Variants in HOXA10 observed in about 807,000 individuals in gnomAD.
HOXA10 encodes the protein homeobox A10, also known as homeobox protein Hox-A10.
HOXA10 carries 12 observed loss-of-function variants against 29.7 expected under a neutral mutation model. The ratio of observed to expected loss-of-function variants is 0.40; its 90% CI spans 0.26 to 0.65. The LOEUF (loss-of-function observed/expected upper bound fraction) is 0.65. HOXA10 is among the 30% of genes least tolerant of loss of function. The pLI is 0.37. For synonymous variants in HOXA10, 327 were observed against 280.7 expected, an observed-to-expected ratio of 1.16 and a Z score of -1.65; for missense variants, 656 against 585.9, an observed-to-expected ratio of 1.12 and a Z score of -1.24.
chr7:27,174,540 G>A (rs1297497118), upstream of HOXA10, among the ~76,000 whole-genome samples: 3 of 152,224 alleles, frequency 2.0e-5, no homozygotes, highest in East Asian at 5.8e-4. Flanking sequence ...GAGCTGTGGG[G>A]GCTGCCCCAA....
In HOXA10 at chr7:27,172,137, G is replaced by T; in HGVS notation, c.995C>A (p.Thr332Lys). 3.1e-6 allele frequency: 5 copies of T among 1,614,120 alleles called. No individual in the cohort carries two copies. The highest frequency in any genetic ancestry group is 2.7e-5 in the African/African-American group (2 of 75,030). Residue 332 changes from threonine (T) to lysine (K), a missense_variant, in exon 2 of 2, where the codon ACG becomes AAG. Thr to Lys is a moderately conservative substitution (Grantham distance 78). Around this residue, in one of 2 missense-constraint regions of HOXA10, gnomAD observed 594 missense variants for 491.9 expected, o/e 1.21. Transcript: ENST00000283921. ...GCGCTTCTTCCGACCACTCTTTGCC[G>T]TGAGCCAGTTGGCTGCGTTTTCACC... ...SKGENAANWL[T>K]AKSGRKKRCP... is the part of the protein sequence containing the mutation.
In HOXA10 at chr7:27,173,800, G is replaced by A; in HGVS notation, c.507C>T (p.Tyr169=). 1 of 1,611,402 alleles carries A rather than the reference G, an allele frequency of 6.2e-7. No homozygotes were observed. Among genetic ancestry groups the A allele is most frequent in the South Asian group, 1.1e-5 (1 of 90,742 alleles). ...ATTTGTCCGCCGAGTCGTAGAGGCAGTAGGAGCTCTCTTCTTTGATGTTCT... is the reference window on the plus strand; with the variant it reads ...ATTTGTCCGCCGAGTCGTAGAGGCAATAGGAGCTCTCTTCTTTGATGTTCT... ...FAQNIKEESS[Y]CLYDSADKCP... The change falls in exon 1 of 2, where the codon TAC becomes TAT. Residue 169 remains tyrosine, a synonymous_variant. Coordinates refer to ENST00000283921, the MANE Select transcript of HOXA10 (RefSeq NM_018951.4).
chr7:27,170,964 A>C lies in HOXA10; in HGVS notation c.*935T>G. The stretch of plus-strand genomic sequence containing the variant: ...GAATTTCAGAAAGCAAAAACAAACA[A>C]AAAAAAAACTTTTTGTTCAAGGCGA... On this transcript the variant is annotated 3_prime_UTR_variant, in exon 2 of 2. Coordinates refer to ENST00000283921, the MANE Select transcript of HOXA10 (RefSeq NM_018951.4). 2.2e-6 allele frequency: 1 copy of C among 453,168 alleles called. No individual in the cohort carries two copies. The highest frequency in any genetic ancestry group is 4.4e-6 in the Non-Finnish European group (1 of 226,484). The allele number at this position is 453,168 out of a possible 1,614,324, so 28.1% of individuals were successfully genotyped here.
At chr7:27,175,966 C>T (rs1306649690), upstream of HOXA10, among the ~76,000 whole-genome samples, 2 of 152,230 alleles carry the variant, frequency 1.3e-5, no homozygotes, top group Admixed American at 1.3e-4. Context: ...CCAGCTCTGG[C>T]TTCTGAGATT....
rs1783452138 is a variant in HOXA10, at chr7:27,170,715, G to A, written c.*1184C>T. 1 of 439,962 alleles carries A rather than the reference G, an allele frequency of 2.3e-6. No individual in the cohort carries two copies. The highest frequency in any genetic ancestry group is 2.0e-5 in the African/African-American group (1 of 48,884). The allele number at this position is 439,962 out of a possible 1,614,324, so 27.3% of individuals were successfully genotyped here. A position where few individuals can be genotyped will look rare whatever the true frequency, so the allele number is the denominator to read the frequency against. The stretch of plus-strand genomic sequence containing the variant: ...TTAAGATTAGAAGTAAATAGAGCTA[G>A]AACTAACATTTATAATAACGATAGA... On this transcript the variant is annotated 3_prime_UTR_variant, in exon 2 of 2. Coordinates refer to ENST00000283921, the MANE Select transcript of HOXA10 (RefSeq NM_018951.4).
upstream of HOXA10, chr7:27,174,438 G>A: frequency 1.4e-6 from 2 of 1,456,796 alleles, no homozygotes; most frequent in Middle Eastern, 2.5e-4. Flanking sequence ...GCCGCTCTCC[G>A]AGGGCGCCCT....
chr7:27,177,225 G>A (rs1397407109), upstream of HOXA10, among the ~76,000 whole-genome samples: 3 of 152,254 alleles, frequency 2.0e-5, no homozygotes, highest in African/African-American at 7.2e-5. Flanking sequence ...GTTGGCACTT[G>A]GGTCTTCAGT....
Position 27,171,934 on chromosome 7 carries a change from T to A in HOXA10, c.1198A>T (p.Ile400Phe). The change falls in exon 2 of 2, where the codon ATC becomes TTC. Residue 400 changes from isoleucine (I) to phenylalanine (F), a missense_variant. By Grantham distance (21) the Ile-to-Phe change is conservative. Transcript: ENST00000283921. ...KLKKMNRENR[I>F]RELTANFNFS ...TTAAAGTTGGCTGTGAGCTCCCGGA[T>A]CCGGTTTTCTCGATTCATTTTCTTC... The A allele has an allele frequency of 6.2e-7, 1 of 1,614,208 alleles. No individual in the cohort carries two copies. Among genetic ancestry groups the A allele is most frequent in the African/African-American group, 1.3e-5 (1 of 75,052 alleles).
chr7:27,173,674 A>G lies in HOXA10; in HGVS notation c.633T>C (p.Pro211=). 1 of 1,554,434 alleles carries G rather than the reference A, an allele frequency of 6.4e-7. No homozygotes were observed. Among genetic ancestry groups the G allele is most frequent in the Non-Finnish European group, 8.7e-7 (1 of 1,149,560 alleles). The stretch of plus-strand genomic sequence containing the variant: ...AGGCCTGAGAAAGGCGGAAGTAGCC[A>G]GGCACTGGCACCCCGCTGGAGGTGC... The part of the protein sequence containing the change: ...ALGTSSGVPV[P]GYFRLSQAYG... Residue 211 remains proline (P), a synonymous_variant, in exon 1 of 2, where the codon CCT becomes CCC. Transcript: ENST00000283921.
upstream of HOXA10, chr7:27,174,417 G>A: frequency 1.3e-6 from 2 of 1,528,748 alleles, no homozygotes; most frequent in Non-Finnish European, 1.8e-6. Flanking sequence ...GTTTGGTTTC[G>A]TAGGCGCGGG....
chr7:27,172,408 A>G (rs1006893811), intron 1 of HOXA10: 1 of 589,924 alleles, frequency 1.7e-6, no homozygotes, highest in South Asian at 2.0e-5. Context: ...CCACTTTTCC[A>G]AACACCTGTT....
chr7:27,173,364 C>G lies in HOXA10; in HGVS notation c.943G>C (p.Glu315Gln). ...APSESSKASP[E>Q]KDSLGNSKGE... Reference sequence around the variant, plus strand: ...CCCTGCTTACCCAGGGAATCCTTCTCCGGCGAGGCTTTGCTGCTCTCGGAA... The same window carrying G: ...CCCTGCTTACCCAGGGAATCCTTCTGCGGCGAGGCTTTGCTGCTCTCGGAA... The change falls in exon 1 of 2, where the codon GAG becomes CAG. Residue 315 changes from glutamate (E) to glutamine (Q), a missense_variant. By Grantham distance (29) the Glu-to-Gln change is conservative (BLOSUM62 2). Transcript: ENST00000283921. 6.2e-7 allele frequency: 1 copy of G among 1,612,122 alleles called. No homozygotes were observed. Among genetic ancestry groups the G allele is most frequent in the Non-Finnish European group, 8.5e-7 (1 of 1,179,786 alleles).
chr7:27,170,952 C>T lies in HOXA10; in HGVS notation c.*947G>A. 1 of 428,876 alleles carries T rather than the reference C, an allele frequency of 2.3e-6. No homozygotes were observed. The highest frequency in any genetic ancestry group is 4.6e-6 in the Non-Finnish European group (1 of 216,688). 26.6% of individuals were successfully genotyped at this position (428,876 alleles called of 1,614,324 possible). On this transcript the variant is annotated 3_prime_UTR_variant, in exon 2 of 2. Coordinates refer to ENST00000283921, the MANE Select transcript of HOXA10 (RefSeq NM_018951.4). ...CTAGGCTTCTGTGAATTTCAGAAAG[C>T]AAAAACAAACAAAAAAAAAACTTTT... is the stretch of plus-strand genomic sequence containing the variant.
In HOXA10 at chr7:27,173,277, T is replaced by C. The variant is rs1420049382; in HGVS notation, c.958+72A>G. The C allele has an allele frequency of 4.4e-5, 70 of 1,597,380 alleles. No individual in the cohort carries two copies. The South Asian group carries it at 7.3e-4, about 17-fold the overall frequency. On this transcript the variant is annotated intron_variant, in intron 1 of 1. Coordinates refer to ENST00000283921, the MANE Select transcript of HOXA10 (RefSeq NM_018951.4). The stretch of plus-strand genomic sequence containing the variant: ...GGCCGGCTGCTGCGCGGGCTCCTAG[T>C]TTTCTGATCCTTCTCCTCCTTGTGT...
chr7:27,174,382 C>T (rs1783608125), upstream of HOXA10: 1 of 1,575,492 alleles, frequency 6.3e-7, no homozygotes, highest in Non-Finnish European at 8.6e-7. Context: ...AATCCCGAGC[C>T]AGAGTTTCCG....
At chr7:27,174,352 C>T (rs764114704), upstream of HOXA10, 3 of 1,587,950 alleles carry the variant, frequency 1.9e-6, no homozygotes, top group South Asian at 2.2e-5. Flanking sequence ...CCCCCCGCAC[C>T]GCGGCGGGCG....
chr7:27,173,901 G>A lies in HOXA10; in HGVS notation c.406C>T (p.Pro136Ser), dbSNP rs1251995383. Reference protein sequence around the residue: ...RMEPPDGPPPPPQQQPPPPPQ... With the variant: ...RMEPPDGPPPSPQQQPPPPPQ... Reference sequence around the variant, plus strand: ...GGGGGCGGCGGCTGCTGCTGGGGCGGCGGCGGCGGCCCGTCAGGCGGCTCC... The same window carrying A: ...GGGGGCGGCGGCTGCTGCTGGGGCGACGGCGGCGGCCCGTCAGGCGGCTCC... The change falls in exon 1 of 2, where the codon CCG (proline) becomes TCG (serine). Residue 136 changes from proline (P) to serine (S), a missense_variant. Pro to Ser is a moderately conservative substitution (Grantham distance 74, BLOSUM62 -1). Coordinates refer to ENST00000283921, the MANE Select transcript of HOXA10 (RefSeq NM_018951.4). The A allele has an allele frequency of 3.9e-6, 6 of 1,530,732 alleles. No individual in the cohort carries two copies. The highest frequency in any genetic ancestry group is 5.3e-6 in the Non-Finnish European group (6 of 1,140,348). 94.8% of individuals were successfully genotyped at this position (1,530,732 alleles called of 1,614,324 possible). A position where few individuals can be genotyped will look rare whatever the true frequency, so the allele number is the denominator to read the frequency against.
rs1783570124 is a variant in HOXA10, at chr7:27,173,583, G to A, written c.724C>T (p.Pro242Ser). 2 of 1,479,608 alleles carry A rather than the reference G, an allele frequency of 1.4e-6. No homozygotes were observed. Among genetic ancestry groups the A allele is most frequent in the Non-Finnish European group, 1.8e-6 (2 of 1,121,322 alleles). The allele number at this position is 1,479,608 out of a possible 1,614,324, so 91.7% of individuals were successfully genotyped here. The change falls in exon 1 of 2, where the codon CCC becomes TCC. Residue 242 changes from proline to serine, a missense_variant. Around this residue, in one of 2 missense-constraint regions of HOXA10, gnomAD observed 594 missense variants for 491.9 expected, o/e 1.21. Coordinates refer to ENST00000283921, the MANE Select transcript of HOXA10 (RefSeq NM_018951.4). ...GAQQLGAGPF[P>S]AQPPGRGFDL... ...AAACCGCGCCCCGGGGGCTGCGCGG[G>A]GAACGGGCCAGCCCCGAGTTGCTGC...
In HOXA10 at chr7:27,174,290, C is replaced by A; in HGVS notation, c.17G>T (p.Gly6Val). The change falls in exon 1 of 2, where the codon GGC becomes GTC. Residue 6 changes from glycine to valine, a missense_variant. This residue lies in a region of HOXA10 where 594 missense variants were observed against 491.9 expected (regional missense o/e 1.21). Coordinates refer to ENST00000283921, the MANE Select transcript of HOXA10 (RefSeq NM_018951.4). MSARK[G>V]YLLPSPNYPT... Reference sequence around the variant, plus strand: ...ATAATTTGGCGAAGGGAGCAGATAGCCCTTTCTGGCTGACATTTCTTGTGC... The same window carrying A: ...ATAATTTGGCGAAGGGAGCAGATAGACCTTTCTGGCTGACATTTCTTGTGC... The A allele has an allele frequency of 6.3e-7, 1 of 1,598,372 alleles. No homozygotes were observed. The highest frequency in any genetic ancestry group is 1.1e-5 in the South Asian group (1 of 91,070).
Sources: allele counts gnomAD v4.1 joint callset (sites outside exome capture counted in the v4.1 genomes callset), GRCh38; gene constraint gnomAD v4.1.1; regional missense constraint gnomAD v4.1.1; transcripts MANE v1.5; gene names NCBI Gene and HGNC (gene_info 2026-07-23, HGNC 2026-07-21).